ARHGAP32: variants seen among roughly 807,000 people sequenced by gnomAD.
ARHGAP32 encodes rho GTPase-activating protein 32.
A neutral mutation model predicts 186.5 loss-of-function variants in ARHGAP32; 51 were observed. The observed-to-expected ratio is 0.27, with a 90% confidence interval of 0.22 to 0.35. The LOEUF (loss-of-function observed/expected upper bound fraction) is 0.35, where lower values mean the gene tolerates loss of function less well. Ranked by LOEUF, ARHGAP32 falls within the 10% of genes least tolerant of loss-of-function variation. ARHGAP32 has a pLI of 1.00. For synonymous variants in ARHGAP32, 950 were observed against 964.3 expected (o/e 0.99, Z 0.27); for missense variants, 2,186 against 2,623.5 (o/e 0.83, Z 3.64).
chr11:129,215,309 A>T (rs1944631324), intron 1 of ARHGAP32, among the ~76,000 whole-genome samples: 1 of 152,178 alleles, frequency 6.6e-6, no homozygotes, highest in South Asian at 2.1e-4. Context: ...TCAGAACTAA[A>T]TGAGTTCATG....
At chr11:129,167,179 A>G (rs1281504706) in intron 1 of ARHGAP32, among the ~76,000 whole-genome samples, 1 of 152,204 alleles carries the variant, frequency 6.6e-6, no homozygotes, top group East Asian at 1.9e-4. Context: ...TTAAAATGGT[A>G]AACTTAAATT....
chr11:128,988,810 T>G (rs1398402710), intron 12 of ARHGAP32, among the ~76,000 whole-genome samples: 1 of 152,212 alleles, frequency 6.6e-6, no homozygotes, highest in Non-Finnish European at 1.5e-5. Flanking sequence ...GAATATACAC[T>G]GGACAGCTAT....
intron 1 of ARHGAP32, among the ~76,000 whole-genome samples, chr11:129,189,514 CT>C (rs1166630777): frequency 6.6e-6 from 1 of 152,106 alleles, no homozygotes; most frequent in Non-Finnish European, 1.5e-5. Context: ...TATATTCCTC[CT>C]TCTTATCCAG....
rs1158882022 is a variant in ARHGAP32, at chr11:128,980,545, A to G, written c.1976+8T>C. 2.5e-6 allele frequency: 4 copies of G among 1,597,820 alleles called. No homozygotes were observed. Among genetic ancestry groups the G allele is most frequent in the Non-Finnish European group, 3.4e-6 (4 of 1,171,374 alleles). ...TCATATCCCAAAATAGGATTTAACA[A>G]ATTTTACCTTTCAAGTGGGAACTCA... On this transcript the variant is annotated splice_region_variant and intron_variant, in intron 18 of 22. Transcript: ENST00000682385.
chr11:128,969,997 T>C lies in ARHGAP32; in HGVS notation c.5216A>G (p.Asn1739Ser). The C allele has an allele frequency of 6.2e-7, 1 of 1,614,154 alleles. No individual in the cohort carries two copies. Among genetic ancestry groups the C allele is most frequent in the Non-Finnish European group, 8.5e-7 (1 of 1,180,024 alleles). Reference protein sequence around the residue: ...VTGYFSPNDHNVVSMPPAADV... With the variant: ...VTGYFSPNDHSVVSMPPAADV... ...AGCAGCCGGAGGCATGCTGACTACATTATGGTCGTTGGGAGAGAAATAGCC... is the reference window on the plus strand; with the variant it reads ...AGCAGCCGGAGGCATGCTGACTACACTATGGTCGTTGGGAGAGAAATAGCC... Residue 1739 changes from asparagine to serine, a missense_variant, in exon 23 of 23, where the codon AAT (asparagine) becomes AGT (serine). This residue lies in a region of ARHGAP32 where 1,502 missense variants were observed against 1,570.0 expected (regional missense o/e 0.96). Coordinates refer to ENST00000682385, the MANE Select transcript of ARHGAP32 (RefSeq NM_001378024.1). The surrounding 1 kb of genome is among the most constrained non-coding windows in gnomAD (Gnocchi z 4.8).
chr11:129,139,365 A>T (rs1040916466), intron 2 of ARHGAP32, among the ~76,000 whole-genome samples: 5 of 152,192 alleles, frequency 3.3e-5, no homozygotes, highest in Admixed American at 6.5e-5. Flanking sequence ...ATCAACAACA[A>T]CAGATTATAT....
chr11:129,071,799 T>A (rs1197878767), intron 6 of ARHGAP32, among the ~76,000 whole-genome samples: 1 of 152,174 alleles, frequency 6.6e-6, no homozygotes, highest in East Asian at 1.9e-4. Context: ...ATAGCCAAGT[T>A]ATGGAATCAA....
intron 10 of ARHGAP32, among the ~76,000 whole-genome samples, chr11:129,050,673 T>C (rs1252503011): frequency 6.6e-6 from 1 of 152,262 alleles, no homozygotes; most frequent in East Asian, 1.9e-4. Context: ...CTTTAAGTTC[T>C]GGGATACATG....
At chr11:129,155,634 G>A (rs1591656300) in intron 2 of ARHGAP32, among the ~76,000 whole-genome samples, 1 of 152,002 alleles carries the variant, frequency 6.6e-6, no homozygotes, top group East Asian at 1.9e-4. Flanking sequence ...CAGCAAGCAA[G>A]GAAAGTCATT....
At position 129,075,635 on chromosome 11, in the gene ARHGAP32, A is replaced by G. The variant is rs1338606217; in HGVS notation, c.532-8767T>C. Among the ~76,000 whole-genome samples the G allele has an allele frequency of 2.0e-5, 3 of 152,208 alleles. No homozygotes were observed. In the East Asian group the frequency reaches 5.8e-4, roughly 29 times the overall value. On this transcript the variant is annotated intron_variant, in intron 6 of 22. Transcript: ENST00000682385. ...TCAATAAGAAAATAGTTGACTTAAC[A>G]GTACCATCAATCAACTGGATATAAT...
chr11:129,151,315 A>C (rs1201198144), intron 2 of ARHGAP32, among the ~76,000 whole-genome samples: 1 of 151,886 alleles, frequency 6.6e-6, no homozygotes, highest in Non-Finnish European at 1.5e-5. Flanking sequence ...CAGTACTACA[A>C]AGTACAGAAA....
chr11:129,232,478 T>C (rs1944872197), intron 1 of ARHGAP32, among the ~76,000 whole-genome samples: 1 of 152,198 alleles, frequency 6.6e-6, no homozygotes, highest in Non-Finnish European at 1.5e-5. Flanking sequence ...ACAACTGGCG[T>C]TATTGTTGAA....
intron 1 of ARHGAP32, among the ~76,000 whole-genome samples, chr11:129,232,344 G>A (rs1466625815): frequency 6.6e-6 from 1 of 152,178 alleles, no homozygotes; most frequent in Non-Finnish European, 1.5e-5. Context: ...ACTAGAAGAT[G>A]AGTTCATCTA....
intron 1 of ARHGAP32, among the ~76,000 whole-genome samples, chr11:129,183,298 T>C (rs1210219813): frequency 6.6e-6 from 1 of 152,152 alleles, no homozygotes; most frequent in Non-Finnish European, 1.5e-5. Context: ...TTGTTCTTTT[T>C]CTTTTTCCTA....
chr11:129,036,864 C>A (rs527820790), intron 11 of ARHGAP32, among the ~76,000 whole-genome samples: 1 of 152,230 alleles, frequency 6.6e-6, no homozygotes, highest in East Asian at 1.9e-4. Context: ...GAGGTTCTCA[C>A]AAGGACCACT....
chr11:129,112,428 A>G (rs774582214), intron 5 of ARHGAP32, among the ~76,000 whole-genome samples: 3 of 150,700 alleles, frequency 2.0e-5, no homozygotes, highest in Non-Finnish European at 4.4e-5. Flanking sequence ...GCATATCTAA[A>G]TCTCCTGCTA....
At chr11:129,029,471 C>T (rs1299529787) in intron 11 of ARHGAP32, among the ~76,000 whole-genome samples, 2 of 152,106 alleles carry the variant, frequency 1.3e-5, no homozygotes, top group African/African-American at 4.8e-5. Context: ...TGTGAAGCCT[C>T]AGGCAGGTGT....
At chr11:129,278,386 T>C (rs1565488044) in intron 1 of ARHGAP32, among the ~76,000 whole-genome samples, 1 of 152,162 alleles carries the variant, frequency 6.6e-6, no homozygotes, top group Non-Finnish European at 1.5e-5. Context: ...GTCTCCTCCT[T>C]CCTTCCATCT....
intron 1 of ARHGAP32, among the ~76,000 whole-genome samples, chr11:129,263,870 A>G (rs539614792): frequency 6.6e-6 from 1 of 152,310 alleles, no homozygotes; most frequent in African/African-American, 2.4e-5. Flanking sequence ...CATGTGATCC[A>G]GCAATTCCAC....
Sources: gnomAD v4.1 joint callset for allele counts (sites outside exome capture counted in the v4.1 genomes callset) on GRCh38, gnomAD v4.1.1 for gene constraint, gnomAD v4.1.1 regional missense constraint, Gnocchi (gnomAD v3.1) non-coding constraint, MANE v1.5 for transcripts, NCBI Gene and HGNC (gene_info 2026-07-23, HGNC 2026-07-21) for gene names.